Variants in CDK5RAP3 observed in about 807,000 individuals in gnomAD.
CDK5RAP3 encodes the protein CDK5 regulatory subunit-associated protein 3.
Under a neutral mutation model 73.3 loss-of-function variants are expected in CDK5RAP3, and 58 were observed. That is an observed-to-expected ratio of 0.79 (90% CI 0.64 to 0.98). The LOEUF (loss-of-function observed/expected upper bound fraction) is 0.98. CDK5RAP3 is among the 50% of genes least tolerant of loss of function. The probability of loss-of-function intolerance (pLI) is 0.00; values close to 1 mark genes in which losing one functional copy is unlikely to be tolerated. For synonymous variants in CDK5RAP3, 224 were observed against 247.5 expected (o/e 0.91, Z 0.89); for missense variants, 525 against 615.8 (o/e 0.85, Z 1.56).
At chr17:47,976,078 C>T in intron 8 of CDK5RAP3, 65 bp downstream of exon 8, 1 of 1,556,500 alleles carries the variant, frequency 6.4e-7, no homozygotes. Context: ...TCCCCACCCC[C>T]AACAGCCCAA....
At chr17:47,971,038 C>T (rs1013162654), upstream of CDK5RAP3, 15 of 1,534,790 alleles carry the variant, frequency 9.8e-6, no homozygotes, top group Middle Eastern at 1.9e-4. Flanking sequence ...GCGACGTGGC[C>T]GAAGGATGCC....
Position 47,981,624 on chromosome 17 carries a change from G to A in CDK5RAP3, c.*122G>A. The stretch of plus-strand genomic sequence containing the variant: ...GCTGACTGGAAGATGGAAAGCCACA[G>A]GAAGGAAGCGGCACCTGATGGTGAT... On this transcript the variant is annotated 3_prime_UTR_variant, in exon 14 of 14. Transcript: ENST00000338399. The A allele has an allele frequency of 5.1e-6, 8 of 1,579,200 alleles. No homozygotes were observed. Among genetic ancestry groups the A allele is most frequent in the Non-Finnish European group, 6.9e-6 (8 of 1,165,592 alleles).
At chr17:47,968,892 C>T (rs2144202001), upstream of CDK5RAP3, among the ~76,000 whole-genome samples, 1 of 152,120 alleles carries the variant, frequency 6.6e-6, no homozygotes, top group African/African-American at 2.4e-5. Context: ...TTAGGTGATC[C>T]GCCTGTCTCA....
chr17:47,974,915 T>C, intron 5 of CDK5RAP3: 2 of 1,393,876 alleles, frequency 1.4e-6, no homozygotes, highest in Middle Eastern at 2.5e-4. Flanking sequence ...TGCAAGGAAT[T>C]GTGCTTGGTG....
At chr17:47,970,490 T>C, upstream of CDK5RAP3, 1 of 639,016 alleles carries the variant, frequency 1.6e-6, no homozygotes, top group South Asian at 1.8e-5. Flanking sequence ...CTAAAACTCC[T>C]CTTCCCACAT....
chr17:47,975,189 T>G lies in CDK5RAP3; in HGVS notation c.365T>G (p.Val122Gly). ...VELSSLLVRN[V>G]NYEIPSLKKQ... ...CTCTCTAGCCTCCTGGTTCGGAATG[T>G]CAACTATGAGATCCCCTCACTGAAG... The change falls in exon 6 of 14, where the codon GTC becomes GGC. Residue 122 changes from valine to glycine, a missense_variant. Val to Gly is a moderately radical substitution (Grantham distance 109, BLOSUM62 -3). Transcript: ENST00000338399. 1 of 1,614,116 alleles carries G rather than the reference T, an allele frequency of 6.2e-7. No individual in the cohort carries two copies. The highest frequency in any genetic ancestry group is 8.5e-7 in the Non-Finnish European group (1 of 1,180,012).
At chr17:47,977,438 G>A (rs1003905410) in intron 9 of CDK5RAP3, among the ~76,000 whole-genome samples, 3 of 152,146 alleles carry the variant, frequency 2.0e-5, no homozygotes, top group South Asian at 2.1e-4. Context: ...GTGAGCCACC[G>A]CGCCCGGCTA....
upstream of CDK5RAP3, chr17:47,970,819 T>C: frequency 7.0e-7 from 1 of 1,426,364 alleles, no homozygotes; most frequent in Non-Finnish European, 9.5e-7. Context: ...GGGAAGCGGC[T>C]GCCAGGCTGG....
intron 2 of CDK5RAP3, among the ~76,000 whole-genome samples, chr17:47,972,670 G>GT (rs34538173): frequency 0.67 from 100,151 of 150,398 alleles, 34,113 homozygotes; most frequent in East Asian, 0.76. Context: ...TTCATTGAGG[G>GT]TTTTTTTTTG....
At chr17:47,977,368 T>A (rs1161061712) in intron 9 of CDK5RAP3, among the ~76,000 whole-genome samples, 1 of 152,082 alleles carries the variant, frequency 6.6e-6, no homozygotes, top group Admixed American at 6.5e-5. Flanking sequence ...CCAGATGGTC[T>A]CGATCTCCTG....
chr17:47,981,275 G>T lies in CDK5RAP3; in HGVS notation c.1396G>T (p.Ala466Ser). The change falls in exon 13 of 14, where the codon GCG (alanine) becomes TCG (serine). Residue 466 changes from alanine to serine, a missense_variant. Around this residue, in one of 2 missense-constraint regions of CDK5RAP3, gnomAD observed 116 missense variants for 186.1 expected, o/e 0.62. Coordinates refer to ENST00000338399, the MANE Select transcript of CDK5RAP3 (RefSeq NM_176096.3). Reference sequence around the variant, plus strand: ...GCAGCAGGAGGCACTTGAGGAGCAGGCGGCTCTGGAGCCTAAGCTGGACCT... The same window carrying T: ...GCAGCAGGAGGCACTTGAGGAGCAGTCGGCTCTGGAGCCTAAGCTGGACCT... ...QKQQEALEEQ[A>S]ALEPKLDLLL... 1 of 1,614,224 alleles carries T rather than the reference G, an allele frequency of 6.2e-7. No individual in the cohort carries two copies. The highest frequency in any genetic ancestry group is 8.5e-7 in the Non-Finnish European group (1 of 1,180,034).
upstream of CDK5RAP3, among the ~76,000 whole-genome samples, chr17:47,968,646 T>C (rs1445967238): frequency 6.6e-6 from 1 of 152,210 alleles, no homozygotes. Flanking sequence ...GCTTCCTGAG[T>C]AGCTGGGATT....
Position 47,973,527 on chromosome 17 carries a change from G to A in CDK5RAP3, c.61G>A (p.Val21Met). Residue 21 changes from valine to methionine, a missense_variant, in exon 3 of 14, where the codon GTG becomes ATG. By Grantham distance (21) the Val-to-Met change is conservative. Around this residue, in one of 2 missense-constraint regions of CDK5RAP3, gnomAD observed 409 missense variants for 429.8 expected, o/e 0.95. Coordinates refer to ENST00000338399, the MANE Select transcript of CDK5RAP3 (RefSeq NM_176096.3). ...GGGTGCTTCTCATGTAGATTGGCTG[G>A]TGGACAGAAGGCACTGCAGCCTGAA... ...IQTSKLLDWL[V>M]DRRHCSLKWQ... 1 of 1,614,000 alleles carries A rather than the reference G, an allele frequency of 6.2e-7. No individual in the cohort carries two copies. The highest frequency in any genetic ancestry group is 8.5e-7 in the Non-Finnish European group (1 of 1,179,896).
At position 47,973,514 on chromosome 17, in the gene CDK5RAP3, T is replaced by C. The variant is rs2144216521; in HGVS notation, c.53-5T>C. 6.2e-7 allele frequency: 1 copy of C among 1,613,498 alleles called. No homozygotes were observed. The highest frequency in any genetic ancestry group is 1.7e-4 in the Middle Eastern group (1 of 6,058). The stretch of plus-strand genomic sequence containing the variant: ...AATGCTCTAATTTGGGTGCTTCTCA[T>C]GTAGATTGGCTGGTGGACAGAAGGC... On this transcript the variant is annotated splice_polypyrimidine_tract_variant and splice_region_variant and intron_variant, in intron 2 of 13. Transcript: ENST00000338399.
Position 47,981,316 on chromosome 17 carries a change from C to G in CDK5RAP3, c.1437C>G (p.Thr479=). Reference sequence around the variant, plus strand: ...AGCTGGACCTGCTACTGGAGAAGACCAAGGAGCTGCAGAAGCTGGTGAGAT... The same window carrying G: ...AGCTGGACCTGCTACTGGAGAAGACGAAGGAGCTGCAGAAGCTGGTGAGAT... ...EPKLDLLLEK[T]KELQKLIEAD... is the part of the protein sequence containing the mutation. Residue 479 remains threonine, a synonymous_variant, in exon 13 of 14, where the codon ACC becomes ACG. Transcript: ENST00000338399. 7 of 1,614,190 alleles carry G rather than the reference C, an allele frequency of 4.3e-6. No homozygotes were observed. Among genetic ancestry groups the G allele is most frequent in the Non-Finnish European group, 3.4e-6 (4 of 1,180,006 alleles).
chr17:47,980,279 C>G (rs1205659744), intron 11 of CDK5RAP3: 1 of 290,972 alleles, frequency 3.4e-6, no homozygotes, highest in East Asian at 8.1e-5. Flanking sequence ...TTTCTTTCTT[C>G]CTTTTTTTTT....
upstream of CDK5RAP3, chr17:47,970,996 A>C (rs2036245013): frequency 2.1e-5 from 32 of 1,489,298 alleles, no homozygotes; most frequent in East Asian, 2.5e-5. Context: ...GCCTGAGTGG[A>C]GCGTAAACCC....
In CDK5RAP3 at chr17:47,971,171, G is replaced by C. The variant is rs752913153; in HGVS notation, c.6+19G>C. 2 of 1,545,186 alleles carry C rather than the reference G, an allele frequency of 1.3e-6. No individual in the cohort carries two copies. The highest frequency in any genetic ancestry group is 1.7e-6 in the Non-Finnish European group (2 of 1,143,170). On this transcript the variant is annotated intron_variant, in intron 1 of 13. Transcript: ENST00000338399. ...GATGGAGGTGTGGGGACAGGAGCTG[G>C]GTGTGCTGGGGACTGGCCGCGGACC...
rs763567293 is a variant in CDK5RAP3, at chr17:47,981,173, C to T, written c.1294C>T (p.Arg432Ter). The T allele has an allele frequency of 1.1e-5, 17 of 1,613,990 alleles. No homozygotes were observed. Among genetic ancestry groups the T allele is most frequent in the Middle Eastern group, 1.7e-4 (1 of 6,058 alleles). Residue 432 changes from arginine to a stop codon, truncating the protein, a stop_gained, in exon 13 of 14, where the codon CGA (arginine) becomes TGA (stop). Coordinates refer to ENST00000338399, the MANE Select transcript of CDK5RAP3 (RefSeq NM_176096.3). LOFTEE classifies it high-confidence loss of function. ...GAGTGCCCCGCACAGGTATGTGGAC[C>T]GAGTGACTGAATTCCTCCAGCAAAA... ...MILASPRYVD[R>*]VTEFLQQKLK...
Sources: gnomAD v4.1 joint callset for allele counts (sites outside exome capture counted in the v4.1 genomes callset) on GRCh38, gnomAD v4.1.1 for gene constraint, gnomAD v4.1.1 regional missense constraint, MANE v1.5 for transcripts, NCBI Gene and HGNC (gene_info 2026-07-23, HGNC 2026-07-21) for gene names.